OTUD7B: variants seen among roughly 807,000 people sequenced by gnomAD.
OTUD7B encodes the protein OTU deubiquitinase 7B.
OTUD7B carries 34 observed loss-of-function variants against 82.2 expected under a neutral mutation model. That is an observed-to-expected ratio of 0.41 (90% CI 0.31 to 0.55). OTUD7B has a LOEUF of 0.55. Among genes scored for constraint, OTUD7B ranks in the 20% least tolerant of loss-of-function variants. The pLI, the probability that OTUD7B is intolerant of heterozygous loss-of-function variation, is 0.20. For synonymous variants in OTUD7B, 398 were observed against 402.7 expected (o/e 0.99, Z 0.14); for missense variants, 944 against 1,062.1 (o/e 0.89, Z 1.55).
the OTUD7B span, among the ~76,000 whole-genome samples, chr1:150,038,809 A>C: frequency 1.3e-5 from 2 of 152,160 alleles, no homozygotes; most frequent in African/African-American, 4.8e-5. Flanking sequence ...CAAGAATAAA[A>C]ATTATTTTTA....
chr1:149,975,509 A>T (rs1450666423), intron 2 of OTUD7B, among the ~76,000 whole-genome samples: 1 of 152,214 alleles, frequency 6.6e-6, no homozygotes, highest in Non-Finnish European at 1.5e-5. Context: ...AGTACGTTGC[A>T]CATATTGAAC....
intron 1 of OTUD7B, among the ~76,000 whole-genome samples, chr1:150,003,249 C>CTCA: frequency 8.5e-6 from 1 of 117,806 alleles, no homozygotes; most frequent in Non-Finnish European, 1.7e-5. Flanking sequence ...GACTCTGTCT[C>CTCA]AAAAAAAAAA....
At chr1:150,028,892 A>G in the OTUD7B span, among the ~76,000 whole-genome samples, 1 of 152,080 alleles carries the variant, frequency 6.6e-6, no homozygotes, top group Admixed American at 6.6e-5. Flanking sequence ...TTTTTTTGTG[A>G]CTGGCTTATT....
intron 1 of OTUD7B, among the ~76,000 whole-genome samples, chr1:149,987,104 T>G (rs1298201198): frequency 2.6e-5 from 4 of 152,240 alleles, no homozygotes; most frequent in Admixed American, 2.6e-4. Flanking sequence ...CTCTGAGAAC[T>G]TGGTATTGTT....
the OTUD7B span, among the ~76,000 whole-genome samples, chr1:150,019,229 T>C: frequency 3.5e-4 from 53 of 152,318 alleles, 1 homozygote; most frequent in African/African-American, 1.2e-3. Flanking sequence ...ACGTAAACTA[T>C]TGTAAAGTAA....
chr1:150,000,782 C>T (rs1652229326), intron 1 of OTUD7B, among the ~76,000 whole-genome samples: 1 of 152,004 alleles, frequency 6.6e-6, no homozygotes, highest in African/African-American at 2.4e-5. Context: ...AGTTCAAGAC[C>T]AGCCTGGTCA....
the OTUD7B span, among the ~76,000 whole-genome samples, chr1:150,017,339 A>G: frequency 6.6e-6 from 1 of 152,186 alleles, no homozygotes; most frequent in African/African-American, 2.4e-5. Flanking sequence ...AAGAGATTAA[A>G]AAAGGGCCCT....
intron 1 of OTUD7B, among the ~76,000 whole-genome samples, chr1:149,987,987 C>T (rs1651269472): frequency 6.6e-6 from 1 of 152,158 alleles, no homozygotes; most frequent in Non-Finnish European, 1.5e-5. Context: ...TCCTACCTCC[C>T]CCACCTGTAC....
At chr1:150,043,887 G>T in the OTUD7B span, among the ~76,000 whole-genome samples, 1 of 152,116 alleles carries the variant, frequency 6.6e-6, no homozygotes, top group Non-Finnish European at 1.5e-5. Flanking sequence ...GAGGCTAAAG[G>T]ATTACAAGAT....
chr1:149,963,710 A>G (rs1649319102), intron 6 of OTUD7B: 1 of 154,086 alleles, frequency 6.5e-6, no homozygotes, highest in South Asian at 2.0e-4. Context: ...TTAAATAGGT[A>G]TGCTTTTTGT....
rs1553776045 is a variant in OTUD7B, at chr1:149,964,262, T to C, written c.692A>G (p.Lys231Arg). ...MEKGVEKEAL[K>R]RRWRWQQTQQ... ...TGTCTGCTGCCACCTCCAGCGCCTT[T>C]TCAACGCTTCCTTCTCAACTCCCTT... is the stretch of plus-strand genomic sequence containing the variant. The change falls in exon 6 of 12, where the codon AAA (lysine) becomes AGA (arginine). Residue 231 changes from lysine (K) to arginine (R), a missense_variant. By Grantham distance (26) the Lys-to-Arg change is conservative. Transcript: ENST00000581312. 3.7e-6 allele frequency: 6 copies of C among 1,613,964 alleles called. No homozygotes were observed. Among genetic ancestry groups the C allele is most frequent in the Non-Finnish European group, 5.1e-6 (6 of 1,180,016 alleles).
upstream of OTUD7B, among the ~76,000 whole-genome samples, chr1:150,014,247 A>AC (rs1459707718): frequency 1.4e-5 from 2 of 147,240 alleles, no homozygotes; most frequent in Non-Finnish European, 3.0e-5. Flanking sequence ...AAAATAAAAA[A>AC]AAATTAGTCA....
chr1:150,035,704 A>G, the OTUD7B span, among the ~76,000 whole-genome samples: 1 of 152,166 alleles, frequency 6.6e-6, no homozygotes, highest in African/African-American at 2.4e-5. Context: ...TTATTTTCAC[A>G]CCAAACCTGC....
In OTUD7B at chr1:149,944,365, T is replaced by C. The variant is rs990946486; in HGVS notation, c.2024A>G (p.Gln675Arg). Residue 675 changes from glutamine (Q) to arginine (R), a missense_variant, in exon 12 of 12, where the codon CAG becomes CGG. Coordinates refer to ENST00000581312, the MANE Select transcript of OTUD7B (RefSeq NM_020205.4). ...KKPEPDAREE[Q>R]PTGPPAESRA... ...GGACTCTGCTGGGGGACCGGTCGGC[T>C]GCTCTTCCCTAGCATCTGGCTCTGG... 5.0e-6 allele frequency: 8 copies of C among 1,613,728 alleles called. No homozygotes were observed. In the African/African-American group the frequency reaches 1.1e-4, roughly 22 times the overall value.
intron 2 of OTUD7B, among the ~76,000 whole-genome samples, chr1:149,974,529 C>CTTTTTTTTTTTT (rs1258979889): frequency 7.4e-6 from 1 of 135,724 alleles, no homozygotes; most frequent in Non-Finnish European, 1.5e-5. Flanking sequence ...TTTTATTTTT[C>CTTTTTTTTTTTT]TTCTTTTTTT....
In OTUD7B at chr1:149,971,043, C is replaced by T. The variant is rs1559845647; in HGVS notation, c.274+20G>A. On this transcript the variant is annotated intron_variant, in intron 3 of 11. Coordinates refer to ENST00000581312, the MANE Select transcript of OTUD7B (RefSeq NM_020205.4). ...TCCCTTCCTACTCCATATACGGAAA[C>T]ATTCCAGTCACCCCAGTACCTTGAA... 2.0e-6 allele frequency: 3 copies of T among 1,537,146 alleles called. No homozygotes were observed. The highest frequency in any genetic ancestry group is 1.8e-6 in the Non-Finnish European group (2 of 1,130,532).
At chr1:149,972,668 T>C (rs1571660530) in intron 2 of OTUD7B, among the ~76,000 whole-genome samples, 1 of 152,210 alleles carries the variant, frequency 6.6e-6, no homozygotes, top group Non-Finnish European at 1.5e-5. Flanking sequence ...TGAAGGCAGG[T>C]ATTTTTGTTT....
intron 5 of OTUD7B, among the ~76,000 whole-genome samples, chr1:149,965,469 TAC>T (rs1397054450): frequency 1.3e-5 from 2 of 152,234 alleles, no homozygotes; most frequent in African/African-American, 4.8e-5. Flanking sequence ...AGTAGAATTG[TAC>T]ACATACACAC....
At chr1:149,948,942 T>C (rs782451824) in intron 10 of OTUD7B, 27 bp downstream of exon 10, 13 of 1,425,368 alleles carry the variant, frequency 9.1e-6, no homozygotes, top group Middle Eastern at 1.7e-4. Context: ...CAGCACAAAA[T>C]AGATGAAAAG....
Sources: allele counts gnomAD v4.1 joint callset (sites outside exome capture counted in the v4.1 genomes callset), GRCh38; gene constraint gnomAD v4.1.1; transcripts MANE v1.5; gene names NCBI Gene and HGNC (gene_info 2026-07-23, HGNC 2026-07-21).